ZNF792: variants seen among roughly 807,000 people sequenced by gnomAD.
The protein encoded by ZNF792 is zinc finger protein 792.
In ZNF792, 14 loss-of-function variants were observed where a neutral mutation model predicts 13.1. The ratio of observed to expected loss-of-function variants is 1.07; its 90% confidence interval spans 0.71 to 1.67. The LOEUF (loss-of-function observed/expected upper bound fraction) is 1.67, where lower values mean the gene tolerates loss of function less well. Ranked by LOEUF, ZNF792 falls within the 40% of genes most tolerant of loss-of-function variation. The probability of loss-of-function intolerance (pLI) is 0.00; values close to 1 mark genes in which losing one functional copy is unlikely to be tolerated. For synonymous variants in ZNF792, 257 were observed against 292.0 expected (o/e 0.88, Z 1.22); for missense variants, 740 against 807.9 (o/e 0.92, Z 1.02).
chr19:34,957,748 CT>C lies in ZNF792; in HGVS notation c.*207del, dbSNP rs2013452990. 1 of 551,528 alleles carries C rather than the reference CT, an allele frequency of 1.8e-6. No homozygotes were observed. The highest frequency in any genetic ancestry group is 3.0e-5 in the East Asian group (1 of 33,342). The allele number at this position is 551,528 out of a possible 1,614,324, so 34.2% of individuals were successfully genotyped here. A position where few individuals can be genotyped will look rare whatever the true frequency, so the allele number is the denominator to read the frequency against. ...GACATCTTCCCAAGGCTTCAGACTA[CT>C]CCTAATTCCCTTTAGGGATTGGAAA... On this transcript the variant is annotated 3_prime_UTR_variant, in exon 4 of 4. Coordinates refer to ENST00000404801, the MANE Select transcript of ZNF792 (RefSeq NM_175872.5).
chr19:34,958,613 T>C lies in ZNF792; in HGVS notation c.1242A>G (p.Arg414=), dbSNP rs1600242486. The C allele has an allele frequency of 2.5e-6, 4 of 1,612,314 alleles. No individual in the cohort carries two copies. The East Asian group carries it at 8.9e-5, about 36-fold the overall frequency. The change falls in exon 4 of 4, where the codon AGA becomes AGG. Residue 414 remains arginine (R), a synonymous_variant. Transcript: ENST00000404801. ...NCNSSLIKHW[R]VHTGERPYKC... ...TGTAAGGTCTTTCTCCAGTGTGAAC[T>C]CTCCAATGTTTAATTAGGCTGGAGT... is the stretch of plus-strand genomic sequence containing the variant.
At position 34,963,985 on chromosome 19, in the gene ZNF792, G is replaced by T. The variant is rs927377017; in HGVS notation, c.-323C>A. ...GGAAAGCCGGCGGGGCAGCTTCACGGGCGTAGCCCCAGCCGCCCCGCCCCC... is the reference window on the plus strand; with the variant it reads ...GGAAAGCCGGCGGGGCAGCTTCACGTGCGTAGCCCCAGCCGCCCCGCCCCC... On this transcript the variant is annotated 5_prime_UTR_variant, in exon 1 of 4. Transcript: ENST00000404801. 4.8e-5 allele frequency: 16 copies of T among 336,050 alleles called. No individual in the cohort carries two copies. The South Asian group carries it at 1.4e-3, about 29-fold the overall frequency. The allele number at this position is 336,050 out of a possible 1,614,324, so 20.8% of individuals were successfully genotyped here. A position where few individuals can be genotyped will look rare whatever the true frequency, so the allele number is the denominator to read the frequency against.
Position 34,963,751 on chromosome 19 carries a change from T to G in ZNF792, c.-89A>C. 2 of 1,389,534 alleles carry G rather than the reference T, an allele frequency of 1.4e-6. No individual in the cohort carries two copies. Among genetic ancestry groups the G allele is most frequent in the Non-Finnish European group, 1.9e-6 (2 of 1,038,684 alleles). The allele number at this position is 1,389,534 out of a possible 1,614,324, so 86.1% of individuals were successfully genotyped here. ...TCGCAGGCTGAGGCTACCACCCACCTGGCCGTGCCCCAGACGAGGTGTGAC... is the reference window on the plus strand; with the variant it reads ...TCGCAGGCTGAGGCTACCACCCACCGGGCCGTGCCCCAGACGAGGTGTGAC... On this transcript the variant is annotated 5_prime_UTR_variant, in exon 1 of 4. Transcript: ENST00000404801.
intron 3 of ZNF792, 37 bp downstream of exon 3, chr19:34,960,198 G>A (rs765729390): frequency 5.0e-6 from 8 of 1,607,004 alleles, no homozygotes; most frequent in Middle Eastern, 1.7e-4. Context: ...ACACAGTGGT[G>A]AAGTCACATC....
Position 34,960,265 on chromosome 19 carries a change from C to T in ZNF792, c.253G>A (p.Ala85Thr). The change falls in exon 3 of 4, where the codon GCC becomes ACC. Residue 85 changes from alanine to threonine, a missense_variant. Physicochemically the swap from Ala to Thr is moderately conservative, Grantham distance 58 (BLOSUM62 0). Coordinates refer to ENST00000404801, the MANE Select transcript of ZNF792 (RefSeq NM_175872.5). ...CCAGGCCTGCCATAAGCCCCTCTGG[C>T]CATGGCTGATGTCATATCCACACTG... The part of the protein sequence containing the change: ...PDSVDMTSAM[A>T]RGAYGRPGSD... The T allele has an allele frequency of 6.2e-7, 1 of 1,613,890 alleles. No homozygotes were observed.
intron 1 of ZNF792, among the ~76,000 whole-genome samples, chr19:34,961,277 G>A (rs189296138): frequency 9.1e-4 from 139 of 152,182 alleles, no homozygotes; most frequent in African/African-American, 3.3e-3. Context: ...ACAAATGTGG[G>A]CTTCTCCTTT....
Position 34,959,479 on chromosome 19 carries a change from G to A in ZNF792, c.376C>T (p.Leu126=), listed in dbSNP as rs781058710. ...VAQDRSPEAT[L]CPQKTCPCDI... ...CAGGGGCAGGTCTTCTGGGGGCACA[G>A]AGTTGCCTCGGGACTCCTGTCCTGT... The change falls in exon 4 of 4, where the codon CTG becomes TTG. Residue 126 remains leucine (L), a synonymous_variant. Transcript: ENST00000404801. The A allele has an allele frequency of 6.6e-5, 107 of 1,612,758 alleles. No homozygotes were observed. Among genetic ancestry groups the A allele is most frequent in the Non-Finnish European group, 8.6e-5 (102 of 1,179,222 alleles).
In ZNF792 at chr19:34,958,390, G is replaced by A; in HGVS notation, c.1465C>T (p.Gln489Ter). 1 of 1,613,696 alleles carries A rather than the reference G, an allele frequency of 6.2e-7. No individual in the cohort carries two copies. Among genetic ancestry groups the A allele is most frequent in the Non-Finnish European group, 8.5e-7 (1 of 1,179,814 alleles). Residue 489 changes from glutamine (Q) to a stop codon, truncating the protein, a stop_gained, in exon 4 of 4, where the codon CAG becomes TAG. Transcript: ENST00000404801. LOFTEE classifies it low-confidence loss of function (END_TRUNC). Reference protein sequence around the residue: ...ECNECGKLFSQSSSLNSHRRL... With the variant: ...ECNECGKLFS Reference sequence around the variant, plus strand: ...CGATGGCTATTGAGGCTGGAGCTCTGGCTAAATAACTTCCCACATTCATTG... The same window carrying A: ...CGATGGCTATTGAGGCTGGAGCTCTAGCTAAATAACTTCCCACATTCATTG...
chr19:34,963,877 G>A lies in ZNF792; in HGVS notation c.-215C>T. On this transcript the variant is annotated 5_prime_UTR_variant, in exon 1 of 4. Transcript: ENST00000404801. ...GGGGGCGCCGAGAGCGCGCAGCTCC[G>A]CTGGGTACCCCCGTTGCAAGGGGTC... 1.8e-6 allele frequency: 1 copy of A among 559,678 alleles called. No homozygotes were observed. Among genetic ancestry groups the A allele is most frequent in the Admixed American group, 3.6e-5 (1 of 28,054 alleles). The allele number at this position is 559,678 out of a possible 1,614,324, so 34.7% of individuals were successfully genotyped here.
In ZNF792 at chr19:34,957,933, A is replaced by G; in HGVS notation, c.*23T>C. ...AAGAGAATGTAACTTGTCTCCAGAA[A>G]GCTTCCAACACAGCTAGCATTCCTA... On this transcript the variant is annotated 3_prime_UTR_variant, in exon 4 of 4. Transcript: ENST00000404801. The G allele has an allele frequency of 1.3e-6, 2 of 1,558,536 alleles. No individual in the cohort carries two copies. The highest frequency in any genetic ancestry group is 1.7e-6 in the Non-Finnish European group (2 of 1,153,420).
In ZNF792 at chr19:34,956,699, C is replaced by T. The variant is rs1323529383; in HGVS notation, c.*1257G>A. 6.6e-6 allele frequency: 1 copy of T among 152,220 alleles called. No individual in the cohort carries two copies. Among genetic ancestry groups the T allele is most frequent in the Non-Finnish European group, 1.5e-5 (1 of 68,040 alleles). The allele number at this position is 152,220 out of a possible 1,614,324, so 9.4% of individuals were successfully genotyped here. The stretch of plus-strand genomic sequence containing the variant: ...CCTATATTGACTCTGTCATCTCTTT[C>T]TTCTTGCCTTGGGAGCAAAGAATGG... On this transcript the variant is annotated 3_prime_UTR_variant, in exon 4 of 4. Transcript: ENST00000404801.
intron 1 of ZNF792, among the ~76,000 whole-genome samples, chr19:34,962,724 A>G (rs1038537449): frequency 2.6e-5 from 4 of 152,030 alleles, no homozygotes; most frequent in African/African-American, 4.8e-5. Context: ...CATTGTTCGA[A>G]TGAATATCCA....
rs777707998 is a variant in ZNF792 at position 34,960,239 on chromosome 19, G to C, written c.279C>G (p.Gly93=). Residue 93 remains glycine (G), a synonymous_variant, in exon 3 of 4, where the codon GGC becomes GGG. Transcript: ENST00000404801. ...AMARGAYGRP[G]SDFCHGTEGK... is the part of the protein sequence containing the mutation. Reference sequence around the variant, plus strand: ...CTAGCTCCCATCGCTGCTTACCAGAGCCAGGCCTGCCATAAGCCCCTCTGG... The same window carrying C: ...CTAGCTCCCATCGCTGCTTACCAGACCCAGGCCTGCCATAAGCCCCTCTGG... The C allele has an allele frequency of 6.2e-7, 1 of 1,613,628 alleles. No homozygotes were observed. Among genetic ancestry groups the C allele is most frequent in the African/African-American group, 1.3e-5 (1 of 75,024 alleles).
chr19:34,957,939 C>T lies in ZNF792; in HGVS notation c.*17G>A. ...ATGTAACTTGTCTCCAGAAAGCTTC[C>T]AACACAGCTAGCATTCCTAGGGAAC... On this transcript the variant is annotated 3_prime_UTR_variant, in exon 4 of 4. Coordinates refer to ENST00000404801, the MANE Select transcript of ZNF792 (RefSeq NM_175872.5). 2 of 1,571,006 alleles carry T rather than the reference C, an allele frequency of 1.3e-6. No individual in the cohort carries two copies. The highest frequency in any genetic ancestry group is 1.7e-4 in the Middle Eastern group (1 of 5,840).
At chr19:34,960,710 C>A in intron 2 of ZNF792, 158 bp downstream of exon 2, 1 of 1,128,436 alleles carries the variant, frequency 8.9e-7, no homozygotes, top group East Asian at 2.6e-5. Flanking sequence ...GGGAACAATG[C>A]ACATAGCTCA....
Position 34,963,786 on chromosome 19 carries a change from A to G in ZNF792, c.-124T>C. On this transcript the variant is annotated 5_prime_UTR_variant, in exon 1 of 4. Transcript: ENST00000404801. ...CCAGACGAGGTGTGACCCCGGGCTGAGGGTCGCACTCCTAGCCTCAGTCTC... is the reference window on the plus strand; with the variant it reads ...CCAGACGAGGTGTGACCCCGGGCTGGGGGTCGCACTCCTAGCCTCAGTCTC... 1 of 1,094,086 alleles carries G rather than the reference A, an allele frequency of 9.1e-7. No individual in the cohort carries two copies. Among genetic ancestry groups the G allele is most frequent in the Non-Finnish European group, 1.3e-6 (1 of 777,616 alleles). The allele number at this position is 1,094,086 out of a possible 1,614,324, so 67.8% of individuals were successfully genotyped here. A position where few individuals can be genotyped will look rare whatever the true frequency, so the allele number is the denominator to read the frequency against.
In ZNF792 at chr19:34,959,346, T is replaced by G. The variant is rs763223955; in HGVS notation, c.509A>C (p.Glu170Ala). 1.2e-6 allele frequency: 2 copies of G among 1,614,088 alleles called. No homozygotes were observed. The highest frequency in any genetic ancestry group is 1.7e-6 in the Non-Finnish European group (2 of 1,179,924). The change falls in exon 4 of 4, where the codon GAG becomes GCG. Residue 170 changes from glutamate (E) to alanine (A), a missense_variant. By Grantham distance (107) the Glu-to-Ala change is moderately radical. Coordinates refer to ENST00000404801, the MANE Select transcript of ZNF792 (RefSeq NM_175872.5). ...FVCEAYVKGS[E>A]FSANLPRKQV... ...TTTCCGGGGAAGGTTTGCACTGAAC[T>G]CAGAGCCTTTCACATATGCCTCACA...
chr19:34,961,030 C>T, intron 1 of ZNF792, 36 bp from the exon 2 acceptor site: 6 of 1,592,644 alleles, frequency 3.8e-6, no homozygotes, highest in Non-Finnish European at 5.1e-6. Context: ...CATGATCAGT[C>T]TCTGTCCTTG....
At position 34,957,968 on chromosome 19, in the gene ZNF792, C is replaced by T; in HGVS notation, c.1887G>A (p.Gly629=). The T allele has an allele frequency of 1.2e-6, 2 of 1,605,500 alleles. No individual in the cohort carries two copies. Among genetic ancestry groups the T allele is most frequent in the Non-Finnish European group, 1.7e-6 (2 of 1,174,384 alleles). ...LKLVHPSTHP[G]EVP ...ACAGCTAGCATTCCTAGGGAACCTC[C>T]CCAGGGTGGGTACTTGGATGAACAA... Residue 629 remains glycine (G), a synonymous_variant, in exon 4 of 4, where the codon GGG becomes GGA. Coordinates refer to ENST00000404801, the MANE Select transcript of ZNF792 (RefSeq NM_175872.5).
Sources: allele counts gnomAD v4.1 joint callset (sites outside exome capture counted in the v4.1 genomes callset), GRCh38; gene constraint gnomAD v4.1.1; transcripts MANE v1.5; gene names NCBI Gene and HGNC (gene_info 2026-07-23, HGNC 2026-07-21).